Variants in MACROD2 observed in about 807,000 individuals in gnomAD.
MACROD2 encodes the protein mono-ADP ribosylhydrolase 2, also known as ADP-ribose glycohydrolase MACROD2.
MACROD2 carries 36 observed loss-of-function variants against 70.4 expected under a neutral mutation model. That is an observed-to-expected ratio of 0.51 (90% CI 0.39 to 0.68). MACROD2 has a LOEUF of 0.68. Ranked by LOEUF, MACROD2 falls within the 30% of genes least tolerant of loss-of-function variation. The pLI is 0.00. For missense variants in MACROD2, 496 were observed against 538.4 expected, an observed-to-expected ratio of 0.92 and a Z score of 0.78; for synonymous variants, 172 against 178.8, an observed-to-expected ratio of 0.96 and a Z score of 0.30.
chr20:15,337,404 A>G (rs2078060309), intron 6 of MACROD2, among the ~76,000 whole-genome samples: 1 of 151,544 alleles, frequency 6.6e-6, no homozygotes, highest in African/African-American at 2.4e-5. Context: ...AAATCAAACC[A>G]TTTTTTTACA....
At chr20:14,226,296 T>G (rs2081732629) in intron 3 of MACROD2, among the ~76,000 whole-genome samples, 1 of 152,064 alleles carries the variant, frequency 6.6e-6, no homozygotes, top group African/African-American at 2.4e-5. Context: ...TACATAGGAT[T>G]TTCGCAACTG....
chr20:14,789,896 G>A lies in MACROD2; in HGVS notation c.418+104937G>A, dbSNP rs2072428959. On this transcript the variant is annotated intron_variant, in intron 5 of 17. Coordinates refer to ENST00000684519, the MANE Select transcript of MACROD2 (RefSeq NM_001351661.2). The stretch of plus-strand genomic sequence containing the variant: ...TATGATGAGAAATCAAAATTAAAGT[G>A]CTCAAAATTGAAAGAAAAAATGTAG... 2.0e-5 allele frequency among the ~76,000 whole-genome samples: 3 copies of A among 151,964 alleles called. No individual in the cohort carries two copies. In the South Asian group the frequency reaches 6.2e-4, roughly 32 times the overall value.
At position 14,847,485 on chromosome 20, in the gene MACROD2, GTTTT is replaced by G. The variant is rs34778387; in HGVS notation, c.418+162543_418+162546del. Among the ~76,000 whole-genome samples the G allele has an allele frequency of 6.5e-3, 793 of 121,420 alleles. 3 individuals are homozygous for G. Among genetic ancestry groups the G allele is most frequent in the Non-Finnish European group, 5.9e-3 (344 of 58,636 alleles). 79.7% of individuals were successfully genotyped at this position (121,420 alleles called of 152,430 possible). A position where few individuals can be genotyped will look rare whatever the true frequency, so the allele number is the denominator to read the frequency against. ...TATTCACTTTGAGGAAGTGTTGCCT[GTTTT>G]TTTTTTTTTTTTTTTTGATGTTCAG... On this transcript the variant is annotated intron_variant, in intron 5 of 17. Transcript: ENST00000684519.
chr20:14,242,887 C>T (rs2081940842), intron 3 of MACROD2, among the ~76,000 whole-genome samples: 2 of 152,144 alleles, frequency 1.3e-5, no homozygotes, highest in South Asian at 2.1e-4. Context: ...ATCCATTATT[C>T]TAAACTATTT....
intron 8 of MACROD2, among the ~76,000 whole-genome samples, chr20:15,741,588 C>G (rs1325750749): frequency 1.3e-5 from 2 of 152,058 alleles, no homozygotes; most frequent in South Asian, 2.1e-4. Context: ...CATCTTTGTT[C>G]AGATGACACA....
intron 6 of MACROD2, among the ~76,000 whole-genome samples, chr20:15,378,277 A>G (rs2045591986): frequency 7.0e-6 from 1 of 142,188 alleles, no homozygotes; most frequent in Non-Finnish European, 1.5e-5. Context: ...CAGAAGCAAT[A>G]AAATTGAAAA....
intron 7 of MACROD2, among the ~76,000 whole-genome samples, chr20:15,436,469 T>C (rs546671442): frequency 1.3e-5 from 2 of 152,256 alleles, no homozygotes; most frequent in Non-Finnish European, 2.9e-5. Context: ...CACTTAGTCC[T>C]TCCCACAATA....
intron 5 of MACROD2, among the ~76,000 whole-genome samples, chr20:15,171,835 TC>T (rs1292694599): frequency 6.6e-6 from 1 of 152,206 alleles, no homozygotes; most frequent in East Asian, 1.9e-4. Context: ...GGCTCCTTTG[TC>T]CCACACACTA....
chr20:15,440,057 A>G (rs1299668948), intron 7 of MACROD2, among the ~76,000 whole-genome samples: 1 of 152,178 alleles, frequency 6.6e-6, no homozygotes, highest in Non-Finnish European at 1.5e-5. Flanking sequence ...GGCTAGACAT[A>G]ATACATGGCA....
chr20:15,705,462 C>A (rs538250342), intron 8 of MACROD2, among the ~76,000 whole-genome samples: 1 of 152,224 alleles, frequency 6.6e-6, no homozygotes, highest in Non-Finnish European at 1.5e-5. Flanking sequence ...CTCTGTCGCC[C>A]AGGCTGGAGG....
chr20:14,499,752 C>A (rs2084895823), intron 4 of MACROD2, among the ~76,000 whole-genome samples: 1 of 152,010 alleles, frequency 6.6e-6, no homozygotes, highest in Non-Finnish European at 1.5e-5. Flanking sequence ...TCCTCCCTCC[C>A]TCCTGCCTCC....
intron 5 of MACROD2, among the ~76,000 whole-genome samples, chr20:15,199,702 A>G (rs2076639112): frequency 6.9e-6 from 1 of 144,948 alleles, no homozygotes; most frequent in African/African-American, 2.7e-5. Context: ...ATATTTGCTT[A>G]TGGAAATATT....
intron 5 of MACROD2, among the ~76,000 whole-genome samples, chr20:14,787,170 C>T (rs1235685728): frequency 1.3e-5 from 2 of 151,952 alleles, no homozygotes; most frequent in African/African-American, 4.8e-5. Context: ...TATTAAATGC[C>T]TATTAAAGAG....
At chr20:15,334,705 T>C (rs983121888) in intron 6 of MACROD2, among the ~76,000 whole-genome samples, 1 of 151,684 alleles carries the variant, frequency 6.6e-6, no homozygotes, top group Non-Finnish European at 1.5e-5. Context: ...TATATACATA[T>C]CTATATTTAT....
chr20:14,819,602 G>A (rs1255656836), intron 5 of MACROD2, among the ~76,000 whole-genome samples: 2 of 152,072 alleles, frequency 1.3e-5, no homozygotes, highest in Non-Finnish European at 2.9e-5. Context: ...CGGGGGATGA[G>A]TGTTGTGATG....
chr20:14,303,308 C>T (rs1173455254), intron 3 of MACROD2, among the ~76,000 whole-genome samples: 1 of 152,168 alleles, frequency 6.6e-6, no homozygotes, highest in Non-Finnish European at 1.5e-5. Context: ...TTTTAATCTG[C>T]CTGACGCTGG....
chr20:14,650,743 C>T (rs898259911), intron 4 of MACROD2, among the ~76,000 whole-genome samples: 4 of 152,166 alleles, frequency 2.6e-5, no homozygotes, highest in African/African-American at 9.7e-5. Context: ...AAACCCCTTC[C>T]ATTGTTTAAA....
intron 6 of MACROD2, among the ~76,000 whole-genome samples, chr20:15,255,307 T>G (rs1335335028): frequency 6.6e-6 from 1 of 152,094 alleles, no homozygotes; most frequent in Non-Finnish European, 1.5e-5. Context: ...TTCCTGTGTT[T>G]GATTTGTAAA....
chr20:14,732,735 C>T (rs1349411111), intron 5 of MACROD2, among the ~76,000 whole-genome samples: 2 of 151,946 alleles, frequency 1.3e-5, no homozygotes, highest in Non-Finnish European at 2.9e-5. Context: ...GTTAGGTGAC[C>T]TCCTCACATT....
Sources: gnomAD v4.1 joint callset for allele counts (sites outside exome capture counted in the v4.1 genomes callset) on GRCh38, gnomAD v4.1.1 for gene constraint, MANE v1.5 for transcripts, NCBI Gene and HGNC (gene_info 2026-07-23, HGNC 2026-07-21) for gene names.